Variants in CAMKMT observed in about 807,000 individuals in gnomAD.
The protein encoded by CAMKMT is CaM KMT.
A neutral mutation model predicts 48.0 loss-of-function variants in CAMKMT; 53 were observed. The observed-to-expected ratio is 1.10, with a 90% CI of 0.89 to 1.39. The LOEUF is 1.39. Among genes scored for constraint, CAMKMT ranks in the 40% most tolerant of loss-of-function variants. CAMKMT has a pLI of 0.00. For synonymous variants in CAMKMT, 165 were observed against 152.3 expected (o/e 1.08, Z -0.61); for missense variants, 428 against 402.7 (o/e 1.06, Z -0.54).
intron 3 of CAMKMT, among the ~76,000 whole-genome samples, chr2:44,401,381 A>G (rs1280469508): frequency 6.6e-6 from 1 of 151,980 alleles, no homozygotes; most frequent in Non-Finnish European, 1.5e-5. Flanking sequence ...ACATGGTGAA[A>G]CTCCATCTCT....
At chr2:44,371,713 C>A (rs1439890965) in intron 1 of CAMKMT, among the ~76,000 whole-genome samples, 1 of 152,094 alleles carries the variant, frequency 6.6e-6, no homozygotes, top group South Asian at 2.1e-4. Context: ...TATTTTGAAG[C>A]AAATCTCAGA....
chr2:44,619,707 G>A (rs972482054), intron 3 of CAMKMT, among the ~76,000 whole-genome samples: 1 of 152,196 alleles, frequency 6.6e-6, no homozygotes, highest in African/African-American at 2.4e-5. Flanking sequence ...GCAACCTACA[G>A]TGGTTACGTC....
intron 3 of CAMKMT, among the ~76,000 whole-genome samples, chr2:44,423,809 T>C (rs1684088020): frequency 6.6e-6 from 1 of 152,220 alleles, no homozygotes; most frequent in African/African-American, 2.4e-5. Context: ...AGTCTCCTTT[T>C]CTAACCTGTC....
chr2:44,421,433 A>C (rs1358339550), intron 3 of CAMKMT, among the ~76,000 whole-genome samples: 6 of 152,186 alleles, frequency 3.9e-5, no homozygotes, highest in Non-Finnish European at 8.8e-5. Context: ...GAAATGTATA[A>C]ATACAATTAT....
At chr2:44,584,921 G>C (rs552673625) in intron 3 of CAMKMT, among the ~76,000 whole-genome samples, 28 of 152,118 alleles carry the variant, frequency 1.8e-4, no homozygotes, top group Admixed American at 1.8e-3. Context: ...CGGGCGTGGT[G>C]GTGGGCGCCT....
chr2:44,397,212 T>G (rs1681936805), intron 3 of CAMKMT, among the ~76,000 whole-genome samples: 1 of 152,166 alleles, frequency 6.6e-6, no homozygotes, highest in Non-Finnish European at 1.5e-5. Flanking sequence ...AACCCTTTCT[T>G]AGGTTGGGAA....
chr2:44,727,217 CCATTTTTA>C (rs1222409941), intron 7 of CAMKMT, among the ~76,000 whole-genome samples: 1 of 152,126 alleles, frequency 6.6e-6, no homozygotes, highest in Non-Finnish European at 1.5e-5. Context: ...GGCAGTATGG[CCATTTTTA>C]CAACATTGAT....
chr2:44,566,831 C>G (rs966009625), intron 3 of CAMKMT, among the ~76,000 whole-genome samples: 5 of 152,088 alleles, frequency 3.3e-5, no homozygotes, highest in African/African-American at 1.2e-4. Flanking sequence ...GAAAACATAC[C>G]TGTAAAAACA....
At chr2:44,651,312 C>A (rs1010265925) in intron 3 of CAMKMT, among the ~76,000 whole-genome samples, 1 of 152,174 alleles carries the variant, frequency 6.6e-6, no homozygotes, top group African/African-American at 2.4e-5. Context: ...CTTACGCATC[C>A]TTTTTTTGGA....
intron 3 of CAMKMT, among the ~76,000 whole-genome samples, chr2:44,498,299 G>A (rs1669852469): frequency 6.6e-6 from 1 of 152,124 alleles, no homozygotes; most frequent in Non-Finnish European, 1.5e-5. Flanking sequence ...TCTCAGTTTT[G>A]GTGATGACCC....
chr2:44,508,908 C>T (rs1360470546), intron 3 of CAMKMT, among the ~76,000 whole-genome samples: 2 of 151,838 alleles, frequency 1.3e-5, no homozygotes, highest in Admixed American at 6.6e-5. Flanking sequence ...CCAGCCTGAC[C>T]AATATGGTGA....
At chr2:44,686,054 C>T (rs1456182048) in intron 3 of CAMKMT, among the ~76,000 whole-genome samples, 2 of 152,130 alleles carry the variant, frequency 1.3e-5, no homozygotes, top group Non-Finnish European at 2.9e-5. Context: ...GACTTTCTGA[C>T]AGACACCTTC....
At chr2:44,705,383 G>C in intron 4 of CAMKMT, 1 of 985,374 alleles carries the variant, frequency 1.0e-6, no homozygotes, top group Non-Finnish European at 1.2e-6. Context: ...AATAAGAACA[G>C]GGCAATTTTG....
intron 8 of CAMKMT, among the ~76,000 whole-genome samples, chr2:44,753,640 T>C (rs982558818): frequency 2.0e-5 from 3 of 152,206 alleles, no homozygotes; most frequent in Non-Finnish European, 2.9e-5. Flanking sequence ...TTGGGTGTCA[T>C]AGGGCTGGTG....
At chr2:44,459,121 G>A (rs1179942437) in intron 3 of CAMKMT, among the ~76,000 whole-genome samples, 1 of 151,846 alleles carries the variant, frequency 6.6e-6, no homozygotes, top group Non-Finnish European at 1.5e-5. Flanking sequence ...AAAAGATTTA[G>A]GAATAGTACC....
intron 3 of CAMKMT, among the ~76,000 whole-genome samples, chr2:44,399,592 TG>T (rs1278842092): frequency 6.6e-6 from 1 of 151,796 alleles, no homozygotes; most frequent in African/African-American, 2.4e-5. Context: ...ACATTGCTAC[TG>T]GTTCTACACC....
At position 44,653,010 on chromosome 2, in the gene CAMKMT, C is replaced by T. The variant is rs551664733; in HGVS notation, c.377-51273C>T. Among the ~76,000 whole-genome samples, 3 of 152,262 alleles carry T rather than the reference C, an allele frequency of 2.0e-5. No homozygotes were observed. Among genetic ancestry groups the T allele is most frequent in the African/African-American group, 4.8e-5 (2 of 41,548 alleles). ...TCAGTCCATTTCTGCCAAACCTTTTCTATTACCTCTATCAACCCTCCCTTT... is the reference window on the plus strand; with the variant it reads ...TCAGTCCATTTCTGCCAAACCTTTTTTATTACCTCTATCAACCCTCCCTTT... On this transcript the variant is annotated intron_variant, in intron 3 of 10. Transcript: ENST00000378494. The surrounding 1 kb of genome is among the most constrained non-coding windows in gnomAD (Gnocchi z 5.2).
intron 3 of CAMKMT, among the ~76,000 whole-genome samples, chr2:44,518,722 G>A (rs1670955101): frequency 6.6e-6 from 1 of 152,142 alleles, no homozygotes; most frequent in Admixed American, 6.5e-5. Flanking sequence ...GAGTGCAAGT[G>A]TCCTTAACTA....
intron 3 of CAMKMT, among the ~76,000 whole-genome samples, chr2:44,663,338 G>T (rs1199927274): frequency 1.3e-5 from 2 of 152,168 alleles, no homozygotes; most frequent in African/African-American, 4.8e-5. Flanking sequence ...TAGTAGCTGT[G>T]TGGATTACCC....
Sources: allele counts gnomAD v4.1 joint callset (sites outside exome capture counted in the v4.1 genomes callset), GRCh38; gene constraint gnomAD v4.1.1; non-coding constraint Gnocchi (gnomAD v3.1); transcripts MANE v1.5; gene names NCBI Gene and HGNC (gene_info 2026-07-23, HGNC 2026-07-21).